The following KIAA2012 variants were observed in gnomAD, a reference collection of about 807,000 sequenced individuals.
KIAA2012 encodes uncharacterized protein KIAA2012.
In KIAA2012, 125 loss-of-function variants were observed where a neutral mutation model predicts 150.6. That is an observed-to-expected ratio of 0.83 (90% confidence interval 0.72 to 0.96). KIAA2012 has a LOEUF of 0.96. Ranked by LOEUF, KIAA2012 falls within the 40% of genes least tolerant of loss-of-function variation. The pLI is 0.00. For synonymous variants in KIAA2012, 462 were observed against 504.7 expected (o/e 0.92, Z 1.13); for missense variants, 1,219 against 1,354.9 (o/e 0.90, Z 1.57).
At chr2:202,145,384 T>G (rs1418482526) in intron 13 of KIAA2012, among the ~76,000 whole-genome samples, 1 of 152,218 alleles carries the variant, frequency 6.6e-6, no homozygotes, top group African/African-American at 2.4e-5. Flanking sequence ...TTACTTTGTC[T>G]GCCCCAAAAC....
intron 13 of KIAA2012, among the ~76,000 whole-genome samples, chr2:202,142,236 G>A (rs1008687796): frequency 6.6e-6 from 1 of 152,128 alleles, no homozygotes; most frequent in African/African-American, 2.4e-5. Flanking sequence ...TGGTAAAACT[G>A]GTATACTTAT....
rs769782495 is a variant in KIAA2012, at chr2:202,193,632, T to C, written c.3014+129T>C. On this transcript the variant is annotated intron_variant, in intron 20 of 23. Transcript: ENST00000498697. Reference sequence around the variant, plus strand: ...CCTGAAGTTAAAATAGCATGTGTCATTTTTCTCTATCCTCAGTTTTCCTAG... The same window carrying C: ...CCTGAAGTTAAAATAGCATGTGTCACTTTTCTCTATCCTCAGTTTTCCTAG... 2.7e-4 allele frequency: 245 copies of C among 892,778 alleles called. 1 individual carries two copies. The highest frequency in any genetic ancestry group is 3.8e-4 in the Non-Finnish European group (226 of 594,426). 55.3% of individuals were successfully genotyped at this position (892,778 alleles called of 1,614,324 possible).
At chr2:202,159,304 G>A (rs1259177102) in intron 14 of KIAA2012, among the ~76,000 whole-genome samples, 1 of 151,324 alleles carries the variant, frequency 6.6e-6, no homozygotes, top group East Asian at 1.9e-4. Flanking sequence ...TCACGAGCTG[G>A]TCTCAAGATT....
intron 14 of KIAA2012, among the ~76,000 whole-genome samples, chr2:202,161,585 T>C (rs1358752054): frequency 6.6e-6 from 1 of 152,012 alleles, no homozygotes; most frequent in Non-Finnish European, 1.5e-5. Flanking sequence ...TTGGAATTGT[T>C]CTACCTTCCC....
chr2:202,134,681 A>G (rs1691024846), intron 12 of KIAA2012, among the ~76,000 whole-genome samples: 2 of 152,098 alleles, frequency 1.3e-5, no homozygotes, highest in South Asian at 4.2e-4. Flanking sequence ...CGGCCTCCCA[A>G]GTAGCTGGGA....
chr2:202,174,455 A>G (rs1196344480), intron 15 of KIAA2012, among the ~76,000 whole-genome samples: 1 of 152,234 alleles, frequency 6.6e-6, no homozygotes, highest in African/African-American at 2.4e-5. Flanking sequence ...GGAAAATTCA[A>G]GGGACTCTAC....
At chr2:202,095,942 G>C (rs2105918056) in intron 4 of KIAA2012, among the ~76,000 whole-genome samples, 1 of 152,170 alleles carries the variant, frequency 6.6e-6, no homozygotes, top group East Asian at 1.9e-4. Context: ...AAATTAGCTG[G>C]GCATGGTGGT....
intron 11 of KIAA2012, chr2:202,115,460 G>A (rs62195578): frequency 6.6e-6 from 1 of 152,024 alleles, no homozygotes; most frequent in East Asian, 1.9e-4. Flanking sequence ...ATAGCTTTAA[G>A]TTCATCTTTT....
At chr2:202,195,673 C>T (rs1692400180) in intron 21 of KIAA2012, among the ~76,000 whole-genome samples, 1 of 152,198 alleles carries the variant, frequency 6.6e-6, no homozygotes, top group Admixed American at 6.5e-5. Flanking sequence ...TCTCCCTACC[C>T]ACCTCCACCA....
At position 202,125,385 on chromosome 2, in the gene KIAA2012, A is replaced by C. The variant is rs1690758446; in HGVS notation, c.1831+103A>C. On this transcript the variant is annotated intron_variant, in intron 12 of 23. Transcript: ENST00000498697. The stretch of plus-strand genomic sequence containing the variant: ...CTCCAGAAACCCACAATTTCTCCCC[A>C]AATATACCAATAAGTAGCAGAGAGG... 7.2e-6 allele frequency: 6 copies of C among 833,296 alleles called. No individual in the cohort carries two copies. The East Asian group carries it at 1.6e-4, about 22-fold the overall frequency. 51.6% of individuals were successfully genotyped at this position (833,296 alleles called of 1,614,324 possible). A position where few individuals can be genotyped will look rare whatever the true frequency, so the allele number is the denominator to read the frequency against.
chr2:202,121,848 G>T (rs1195148292), intron 11 of KIAA2012, among the ~76,000 whole-genome samples: 1 of 152,228 alleles, frequency 6.6e-6, no homozygotes, highest in Non-Finnish European at 1.5e-5. Context: ...CATCACAGAG[G>T]CCTAAGAGCA....
At chr2:202,154,638 A>G in intron 13 of KIAA2012, 35 bp from the exon 14 acceptor site, 2 of 1,513,166 alleles carry the variant, frequency 1.3e-6, no homozygotes, top group African/African-American at 1.4e-5. Flanking sequence ...TATATCATTC[A>G]TATGAAAGTT....
In KIAA2012 at chr2:202,183,277, C is replaced by T. The variant is rs548787010; in HGVS notation, c.2120-1476C>T. On this transcript the variant is annotated intron_variant, in intron 15 of 23. Coordinates refer to ENST00000498697, the MANE Select transcript of KIAA2012 (RefSeq NM_001277372.4). ...TATACGAAAAATAGAAAAAATTAGC[C>T]GAGTATAGTGGTGCACACCTGTGGT... Among the ~76,000 whole-genome samples, 15 of 151,896 alleles carry T rather than the reference C, an allele frequency of 9.9e-5. No individual in the cohort carries two copies. In the South Asian group the frequency reaches 2.7e-3, roughly 27 times the overall value.
chr2:202,181,345 G>A (rs547018023), intron 15 of KIAA2012, among the ~76,000 whole-genome samples: 161 of 152,308 alleles, frequency 1.1e-3, no homozygotes, highest in African/African-American at 2.6e-3. Context: ...GGAAGTTGAG[G>A]CAGGAGAATT....
At chr2:202,179,532 G>A in intron 15 of KIAA2012, 1 of 694,158 alleles carries the variant, frequency 1.4e-6, no homozygotes, top group Non-Finnish European at 2.7e-6. Flanking sequence ...AGTGGCGTGG[G>A]CCCAGATAAC....
At chr2:202,138,373 A>T (rs942170512) in intron 12 of KIAA2012, 59 bp from the exon 13 acceptor site, 6 of 1,247,930 alleles carry the variant, frequency 4.8e-6, no homozygotes, top group Non-Finnish European at 6.9e-6. Context: ...ATATATAAAA[A>T]GTCATGAGAT....
At chr2:202,144,231 A>C (rs748932988) in intron 13 of KIAA2012, among the ~76,000 whole-genome samples, 2 of 152,180 alleles carry the variant, frequency 1.3e-5, no homozygotes, top group African/African-American at 2.4e-5. Context: ...AGTATCCTAA[A>C]AATCCTGTTA....
intron 15 of KIAA2012, 51 bp downstream of exon 15, chr2:202,165,407 T>G (rs1691736807): frequency 6.6e-7 from 1 of 1,510,960 alleles, no homozygotes; most frequent in Middle Eastern, 1.7e-4. Context: ...AACTGTCAGA[T>G]GAACTTTGCA....
intron 22 of KIAA2012, chr2:202,201,855 G>A: frequency 6.3e-6 from 8 of 1,269,854 alleles, no homozygotes; most frequent in Admixed American, 1.7e-5. Context: ...AGGCTAGGTT[G>A]GCTGTGTTGG....
Sources: gnomAD v4.1 joint callset for allele counts (sites outside exome capture counted in the v4.1 genomes callset) on GRCh38, gnomAD v4.1.1 for gene constraint, MANE v1.5 for transcripts, NCBI Gene and HGNC (gene_info 2026-07-23, HGNC 2026-07-21) for gene names.